CD1A: variants seen among roughly 807,000 people sequenced by gnomAD.
CD1A encodes the protein CD1a molecule.
In CD1A, 50 loss-of-function variants were observed where a neutral mutation model predicts 38.3. The observed-to-expected ratio is 1.30, with a 90% CI of 1.04 to 1.65. CD1A has a LOEUF of 1.65. Among genes scored for constraint, CD1A ranks in the 40% most tolerant of loss-of-function variants. CD1A has a pLI of 0.00. For synonymous variants in CD1A, 160 were observed against 150.8 expected (o/e 1.06, Z -0.45); for missense variants, 459 against 406.1 (o/e 1.13, Z -1.12).
intron 3 of CD1A, 57 bp downstream of exon 3, chr1:158,256,339 C>T: frequency 1.3e-6 from 2 of 1,505,802 alleles, no homozygotes; most frequent in South Asian, 2.4e-5. Flanking sequence ...ACCCTTCCAC[C>T]ACCTCCTTCC....
At position 158,257,791 on chromosome 1, in the gene CD1A, C is replaced by T. The variant is rs191018818; in HGVS notation, c.*101C>T. ...CTGAACACATCGTGATGATGACGTC[C>T]TCTCAACTCTCTTTGTAAAAATTTT... On this transcript the variant is annotated 3_prime_UTR_variant, in exon 6 of 6. Coordinates refer to ENST00000289429, the MANE Select transcript of CD1A (RefSeq NM_001763.3). The T allele has an allele frequency of 3.2e-6, 3 of 951,628 alleles. No individual in the cohort carries two copies. The highest frequency in any genetic ancestry group is 2.2e-4 in the Middle Eastern group (1 of 4,608). The allele number at this position is 951,628 out of a possible 1,614,324, so 58.9% of individuals were successfully genotyped here. A position where few individuals can be genotyped will look rare whatever the true frequency, so the allele number is the denominator to read the frequency against.
rs1401047574 is a variant in CD1A at position 158,256,075 on chromosome 1, T to G, written c.397T>G (p.Leu133Val). ...AAAGGTCTCAGGAAGCTTCTTGCAG[T>G]TAGCTTATCAAGGATCAGACTTTGT... ...SGKVSGSFLQ[L>V]AYQGSDFVSF... is the part of the protein sequence containing the mutation. The change falls in exon 3 of 6, where the codon TTA becomes GTA. Residue 133 changes from leucine (L) to valine (V), a missense_variant. By Grantham distance (32) the Leu-to-Val change is conservative (BLOSUM62 1). Coordinates refer to ENST00000289429, the MANE Select transcript of CD1A (RefSeq NM_001763.3). The G allele has an allele frequency of 1.2e-6, 2 of 1,614,038 alleles. No homozygotes were observed. Among genetic ancestry groups the G allele is most frequent in the African/African-American group, 2.7e-5 (2 of 74,930 alleles).
rs1571121882 is a variant in CD1A at position 158,257,615 on chromosome 1, C to G, written c.975-66C>G. 15 of 1,582,622 alleles carry G rather than the reference C, an allele frequency of 9.5e-6. No homozygotes were observed. In the African/African-American group the frequency reaches 1.1e-4, roughly 11 times the overall value. The stretch of plus-strand genomic sequence containing the variant: ...CAGTTCTTCTCTCCCCAGTCCCCTT[C>G]CCTCTTGCTCCTCAATTCTCAGCTC... On this transcript the variant is annotated intron_variant, in intron 5 of 5. Coordinates refer to ENST00000289429, the MANE Select transcript of CD1A (RefSeq NM_001763.3).
At chr1:158,249,797 C>T (rs542887021), upstream of CD1A, among the ~76,000 whole-genome samples, 16 of 152,304 alleles carry the variant, frequency 1.1e-4, no homozygotes, top group South Asian at 3.3e-3. Context: ...CTCTTAGGTG[C>T]CTGGGGGCCG....
rs1571119669 is a variant in CD1A, at chr1:158,256,171, C to T, written c.493C>T (p.Leu165Phe). ...GNMAKHFCKV[L>F]NQNQHENDIT... ...TATGGCCAAGCATTTCTGCAAAGTGCTCAATCAGAATCAGCATGAAAATGA... is the reference window on the plus strand; with the variant it reads ...TATGGCCAAGCATTTCTGCAAAGTGTTCAATCAGAATCAGCATGAAAATGA... The change falls in exon 3 of 6, where the codon CTC (leucine) becomes TTC (phenylalanine). Residue 165 changes from leucine to phenylalanine, a missense_variant. Transcript: ENST00000289429. 6.2e-7 allele frequency: 1 copy of T among 1,614,120 alleles called. No homozygotes were observed. Among genetic ancestry groups the T allele is most frequent in the Non-Finnish European group, 8.5e-7 (1 of 1,179,998 alleles).
chr1:158,257,255 G>A (rs915557513), intron 4 of CD1A, among the ~76,000 whole-genome samples, 166 bp from the exon 5 acceptor site: 2 of 152,070 alleles, frequency 1.3e-5, no homozygotes, highest in Non-Finnish European at 2.9e-5. Context: ...GTTAACTGAA[G>A]AATCCATCTC....
rs373106482 is a variant in CD1A at position 158,257,249 on chromosome 1, A to G, written c.884-172A>G. 7.7e-4 allele frequency among the ~76,000 whole-genome samples: 118 copies of G among 152,288 alleles called. 4 individuals carry two copies. The South Asian group carries it at 0.024, about 31-fold the overall frequency. ...AGATGCAGGAGGATGCTGAGGGTTA[A>G]CTGAAGAATCCATCTCTGAGCAGGG... On this transcript the variant is annotated intron_variant, in intron 4 of 5. Coordinates refer to ENST00000289429, the MANE Select transcript of CD1A (RefSeq NM_001763.3).
Position 158,257,447 on chromosome 1 carries a change from A to G in CD1A, c.910A>G (p.Ile304Val). The G allele has an allele frequency of 6.2e-7, 1 of 1,614,136 alleles. No individual in the cohort carries two copies. Among genetic ancestry groups the G allele is most frequent in the Non-Finnish European group, 8.5e-7 (1 of 1,179,984 alleles). ...GCATCACAGTTCCGTGGGCTTCATC[A>G]TCTTGGCGGTGATAGTGCCTTTACT... Reference protein sequence around the residue: ...WEHHSSVGFIILAVIVPLLLL... With the variant: ...WEHHSSVGFIVLAVIVPLLLL... Residue 304 changes from isoleucine to valine, a missense_variant, in exon 5 of 6, where the codon ATC becomes GTC. Transcript: ENST00000289429.
Position 158,254,564 on chromosome 1 carries a change from T to C in CD1A, c.-106T>C. 6.3e-7 allele frequency: 1 copy of C among 1,585,744 alleles called. No homozygotes were observed. The highest frequency in any genetic ancestry group is 8.6e-7 in the Non-Finnish European group (1 of 1,166,744). On this transcript the variant is annotated 5_prime_UTR_variant, in exon 1 of 6. Transcript: ENST00000289429. ...TTGCAGTCAGGGGAGGTTTGTCTGT[T>C]GGCTGCAGAAAGAAGTCAGAATAGA... is the stretch of plus-strand genomic sequence containing the variant.
upstream of CD1A, among the ~76,000 whole-genome samples, chr1:158,252,047 T>G: frequency 6.6e-6 from 1 of 152,000 alleles, no homozygotes; most frequent in East Asian, 1.9e-4. Context: ...GCCAGGTTGG[T>G]CTCGAACTCC....
rs1331549703 is a variant in CD1A at position 158,257,821 on chromosome 1, T to A, written c.*131T>A. ...AACTCTCTTTGTAAAAATTTTGTTA[T>A]TTTTGCTTGTTTCTGATTAATGATT... On this transcript the variant is annotated 3_prime_UTR_variant, in exon 6 of 6. Transcript: ENST00000289429. The A allele has an allele frequency of 6.5e-6, 5 of 775,170 alleles. No individual in the cohort carries two copies. The highest frequency in any genetic ancestry group is 6.5e-6 in the Non-Finnish European group (3 of 459,750). The allele number at this position is 775,170 out of a possible 1,614,324, so 48.0% of individuals were successfully genotyped here. A position where few individuals can be genotyped will look rare whatever the true frequency, so the allele number is the denominator to read the frequency against.
chr1:158,253,852 C>T (rs1650148421), upstream of CD1A, among the ~76,000 whole-genome samples: 1 of 151,894 alleles, frequency 6.6e-6, no homozygotes. Flanking sequence ...TGTTTTTCTC[C>T]CTAAGTAGAG....
chr1:158,249,337 A>C, the CD1A span, among the ~76,000 whole-genome samples: 1 of 152,182 alleles, frequency 6.6e-6, no homozygotes, highest in Non-Finnish European at 1.5e-5. Flanking sequence ...GGGAAGTCCA[A>C]GATCAAGGAA....
rs1469568642 is a variant in CD1A at position 158,257,677 on chromosome 1, C to T, written c.975-4C>T. The T allele has an allele frequency of 6.2e-7, 1 of 1,613,842 alleles. No individual in the cohort carries two copies. The highest frequency in any genetic ancestry group is 8.5e-7 in the Non-Finnish European group (1 of 1,179,858). On this transcript the variant is annotated splice_region_variant and splice_polypyrimidine_tract_variant and intron_variant, in intron 5 of 5. Coordinates refer to ENST00000289429, the MANE Select transcript of CD1A (RefSeq NM_001763.3). ...GAGTGACTTCTATCTCTGTTCTCAT[C>T]CAGTTTCTGTTAAGACACACCATGA...
chr1:158,254,601 G>A lies in CD1A; in HGVS notation c.-69G>A, dbSNP rs1250597144. 19 of 1,611,674 alleles carry A rather than the reference G, an allele frequency of 1.2e-5. No homozygotes were observed. The highest frequency in any genetic ancestry group is 2.2e-5 in the South Asian group (2 of 90,840). ...GAAGTCAGAATAGAGATATCGTGGG[G>A]TAGGTTTGTTTGGAACAGAAATCAA... On this transcript the variant is annotated 5_prime_UTR_variant, in exon 1 of 6. Coordinates refer to ENST00000289429, the MANE Select transcript of CD1A (RefSeq NM_001763.3).
intron 3 of CD1A, among the ~76,000 whole-genome samples, chr1:158,256,533 G>T (rs1650261255): frequency 6.6e-6 from 1 of 152,144 alleles, no homozygotes; most frequent in Admixed American, 6.5e-5. Flanking sequence ...AGCCAGTCAT[G>T]GTGGTACACA....
Position 158,257,971 on chromosome 1 carries a change from T to A in CD1A, c.*281T>A. The A allele has an allele frequency of 2.4e-6, 1 of 420,674 alleles. No homozygotes were observed. The allele number at this position is 420,674 out of a possible 1,614,324, so 26.1% of individuals were successfully genotyped here. A position where few individuals can be genotyped will look rare whatever the true frequency, so the allele number is the denominator to read the frequency against. On this transcript the variant is annotated 3_prime_UTR_variant, in exon 6 of 6. Transcript: ENST00000289429. ...TCCTAGCAACCTCCACATGTTCAAC[T>A]ATTAATGGATCATCAGGCCTGTTTT...
At chr1:158,249,253 G>C in the CD1A span, among the ~76,000 whole-genome samples, 1 of 152,126 alleles carries the variant, frequency 6.6e-6, no homozygotes, top group Non-Finnish European at 1.5e-5. Flanking sequence ...CTCCATTCAG[G>C]CTGCTACAAC....
chr1:158,254,030 G>GTTTTTTTTTTTTTTTT (rs1398850181), upstream of CD1A: 2 of 45,796 alleles, frequency 4.4e-5, 1 homozygote, highest in African/African-American at 1.7e-4. Flanking sequence ...GTGTTCCTGT[G>GTTTTTTTTTTTTTTTT]GTTTTTTTTT....
Sources: allele counts gnomAD v4.1 joint callset (sites outside exome capture counted in the v4.1 genomes callset), GRCh38; gene constraint gnomAD v4.1.1; transcripts MANE v1.5; gene names NCBI Gene and HGNC (gene_info 2026-07-23, HGNC 2026-07-21).